STARD13: variants seen among roughly 807,000 people sequenced by gnomAD.
The protein encoded by STARD13 is stAR-related lipid transfer protein 13.
Under a neutral mutation model 106.4 loss-of-function variants are expected in STARD13, and 62 were observed. That is an observed-to-expected ratio of 0.58 (90% confidence interval 0.48 to 0.72). The LOEUF is 0.72. Ranked by LOEUF, STARD13 falls within the 30% of genes least tolerant of loss-of-function variation. The pLI, the probability that STARD13 is intolerant of heterozygous loss-of-function variation, is 0.00. For synonymous variants in STARD13, 565 were observed against 553.0 expected (o/e 1.02, Z -0.31); for missense variants, 1,387 against 1,424.0 (o/e 0.97, Z 0.42).
chr13:33,405,967 G>A, the STARD13 span, among the ~76,000 whole-genome samples: 1 of 152,192 alleles, frequency 6.6e-6, no homozygotes, highest in Non-Finnish European at 1.5e-5. Context: ...GTGTCGTCTT[G>A]TTTAAGACTT....
the STARD13 span, among the ~76,000 whole-genome samples, chr13:33,561,194 T>G: frequency 6.6e-6 from 1 of 151,470 alleles, no homozygotes; most frequent in Admixed American, 6.6e-5. Flanking sequence ...CAGATAGATG[T>G]TAGCCTTGCA....
intron 4 of STARD13, among the ~76,000 whole-genome samples, chr13:33,139,051 C>T (rs1225770158): frequency 6.6e-6 from 1 of 152,168 alleles, no homozygotes; most frequent in Non-Finnish European, 1.5e-5. Flanking sequence ...CCAAAATCTA[C>T]AGGATTAAAC....
chr13:33,111,750 G>A, intron 10 of STARD13, 28 bp downstream of exon 10: 1 of 1,364,758 alleles, frequency 7.3e-7, no homozygotes, highest in Non-Finnish European at 1.0e-6. Flanking sequence ...AGCTACTAGG[G>A]AGGCGGAGGT....
intron 8 of STARD13, among the ~76,000 whole-genome samples, chr13:33,116,408 C>T (rs1480474482): frequency 1.3e-5 from 2 of 152,186 alleles, no homozygotes; most frequent in African/African-American, 4.8e-5. Flanking sequence ...TGCCTCATCT[C>T]CCTCAATTGT....
At chr13:33,514,477 G>A in the STARD13 span, among the ~76,000 whole-genome samples, 2 of 152,142 alleles carry the variant, frequency 1.3e-5, no homozygotes, top group Non-Finnish European at 2.9e-5. Flanking sequence ...CAGCCTCTGT[G>A]AGCTGGTCTG....
At chr13:33,278,473 T>G (rs1318611470) in intron 1 of STARD13, 2 of 152,180 alleles carry the variant, frequency 1.3e-5, no homozygotes, top group African/African-American at 4.8e-5. Flanking sequence ...TAATTTATTG[T>G]GACGCCCCCA....
At chr13:33,531,041 G>C in the STARD13 span, among the ~76,000 whole-genome samples, 10 of 152,122 alleles carry the variant, frequency 6.6e-5, no homozygotes, top group South Asian at 4.1e-4. Flanking sequence ...TCAGGTGGGA[G>C]GTAACTGAAT....
chr13:33,619,536 A>G, the STARD13 span, among the ~76,000 whole-genome samples: 1 of 152,216 alleles, frequency 6.6e-6, no homozygotes, highest in Non-Finnish European at 1.5e-5. Context: ...ATAAGACTAC[A>G]TTATTGTAAT....
intron 8 of STARD13, chr13:33,117,514 G>T (rs953475347): frequency 3.4e-6 from 2 of 585,652 alleles, no homozygotes; most frequent in African/African-American, 2.0e-5. Flanking sequence ...TACAGGCTTT[G>T]CTGAGAACTT....
At chr13:33,669,172 G>A in the STARD13 span, among the ~76,000 whole-genome samples, 1 of 152,166 alleles carries the variant, frequency 6.6e-6, no homozygotes, top group Non-Finnish European at 1.5e-5. Flanking sequence ...TGCAGAATAG[G>A]ACTAAAGACT....
chr13:33,133,236 A>C (rs1878572361), intron 4 of STARD13, among the ~76,000 whole-genome samples: 1 of 152,194 alleles, frequency 6.6e-6, no homozygotes, highest in Non-Finnish European at 1.5e-5. Flanking sequence ...CAAGCTGGGC[A>C]CTGTGGCCTG....
the STARD13 span, among the ~76,000 whole-genome samples, chr13:33,669,353 C>T: frequency 1.3e-5 from 2 of 152,070 alleles, no homozygotes; most frequent in Non-Finnish European, 2.9e-5. Flanking sequence ...TTTTCATCCC[C>T]TCCTGAGTCT....
At chr13:33,263,146 C>T (rs978949585) in intron 1 of STARD13, among the ~76,000 whole-genome samples, 34 of 152,138 alleles carry the variant, frequency 2.2e-4, no homozygotes, top group African/African-American at 8.0e-4. Context: ...AACAGTGGCA[C>T]TATTTTGGGC....
At chr13:33,666,574 C>T in the STARD13 span, among the ~76,000 whole-genome samples, 1 of 152,002 alleles carries the variant, frequency 6.6e-6, no homozygotes, top group Admixed American at 6.6e-5. Context: ...GGATCACAGG[C>T]GTGAGCCACT....
At chr13:33,123,926 G>A (rs1471257838) in intron 7 of STARD13, among the ~76,000 whole-genome samples, 1 of 152,194 alleles carries the variant, frequency 6.6e-6, no homozygotes, top group Non-Finnish European at 1.5e-5. Context: ...GCATAGAAGG[G>A]GTTATTTGCG....
chr13:33,221,750 C>T (rs1248026214), intron 1 of STARD13, among the ~76,000 whole-genome samples: 3 of 152,178 alleles, frequency 2.0e-5, no homozygotes, highest in Admixed American at 2.0e-4. Flanking sequence ...TTCATAGCAG[C>T]ATTATTCTCA....
chr13:33,116,897 A>G (rs1875450958), intron 8 of STARD13, among the ~76,000 whole-genome samples: 2 of 152,188 alleles, frequency 1.3e-5, no homozygotes, highest in South Asian at 4.1e-4. Context: ...GGACTCCTTA[A>G]ACACATTTTA....
chr13:33,672,962 C>A, the STARD13 span, among the ~76,000 whole-genome samples: 1 of 152,190 alleles, frequency 6.6e-6, no homozygotes, highest in Non-Finnish European at 1.5e-5. Flanking sequence ...CTTTAATAAT[C>A]TATTTTAGAA....
At chr13:33,626,153 A>G in the STARD13 span, among the ~76,000 whole-genome samples, 1 of 152,220 alleles carries the variant, frequency 6.6e-6, no homozygotes, top group African/African-American at 2.4e-5. Context: ...ACATCTGCAC[A>G]TGTGCATACA....
Sources: gnomAD v4.1 joint callset for allele counts (sites outside exome capture counted in the v4.1 genomes callset) on GRCh38, gnomAD v4.1.1 for gene constraint, MANE v1.5 for transcripts, NCBI Gene and HGNC (gene_info 2026-07-23, HGNC 2026-07-21) for gene names.